The following EPHA7 variants were observed in gnomAD, a reference collection of about 807,000 sequenced individuals.
EPHA7 encodes the protein EPH receptor A7.
EPHA7 carries 25 observed loss-of-function variants against 112.6 expected under a neutral mutation model. The observed-to-expected ratio is 0.22, with a 90% confidence interval of 0.16 to 0.31. The LOEUF is 0.31. Ranked by LOEUF, EPHA7 falls within the 10% of genes least tolerant of loss-of-function variation. The pLI is 1.00. For synonymous variants in EPHA7, 437 were observed against 406.5 expected, an observed-to-expected ratio of 1.07 and a Z score of -0.90; for missense variants, 962 against 1,212.6, an observed-to-expected ratio of 0.79 and a Z score of 3.07.
chr6:93,404,042 G>T (rs1778565590), intron 3 of EPHA7, among the ~76,000 whole-genome samples: 1 of 151,964 alleles, frequency 6.6e-6, no homozygotes, highest in Non-Finnish European at 1.5e-5. Flanking sequence ...AGGGAGCAGG[G>T]GCTTCAACTG....
At chr6:93,367,970 T>C (rs990421078) in intron 3 of EPHA7, among the ~76,000 whole-genome samples, 2 of 152,114 alleles carry the variant, frequency 1.3e-5, no homozygotes, top group Non-Finnish European at 2.9e-5. Context: ...ACAAATTAGT[T>C]ATTAACCAAA....
At chr6:93,304,736 G>A (rs548653488) in intron 5 of EPHA7, among the ~76,000 whole-genome samples, 1 of 152,156 alleles carries the variant, frequency 6.6e-6, no homozygotes, top group South Asian at 2.1e-4. Context: ...CCCAACTCCT[G>A]AGAGTATTTA....
At chr6:93,335,093 A>G (rs1774797134) in intron 5 of EPHA7, among the ~76,000 whole-genome samples, 1 of 152,118 alleles carries the variant, frequency 6.6e-6, no homozygotes, top group South Asian at 2.1e-4. Flanking sequence ...AACTTCTCTC[A>G]GCATTTGGAG....
At chr6:93,268,802 T>C (rs1306495143) in intron 7 of EPHA7, among the ~76,000 whole-genome samples, 2 of 151,744 alleles carry the variant, frequency 1.3e-5, no homozygotes, top group Non-Finnish European at 2.9e-5. Context: ...TTGTAAAACA[T>C]AAAATGATAA....
intron 5 of EPHA7, among the ~76,000 whole-genome samples, chr6:93,275,068 C>A (rs1771406316): frequency 6.6e-6 from 1 of 151,746 alleles, no homozygotes; most frequent in South Asian, 2.1e-4. Flanking sequence ...CCAAAATATT[C>A]AATTAACTAC....
chr6:93,331,783 C>A (rs1392295687), intron 5 of EPHA7, among the ~76,000 whole-genome samples: 1 of 151,486 alleles, frequency 6.6e-6, no homozygotes, highest in Non-Finnish European at 1.5e-5. Context: ...TTAATTATTT[C>A]TTCAAAGATA....
chr6:93,276,433 G>C (rs2127889265), intron 5 of EPHA7, among the ~76,000 whole-genome samples: 2 of 152,186 alleles, frequency 1.3e-5, no homozygotes, highest in South Asian at 4.1e-4. Flanking sequence ...ACAGGAATGA[G>C]CTTGGAAGTG....
chr6:93,256,724 C>CT (rs1482124750), intron 12 of EPHA7, among the ~76,000 whole-genome samples: 9 of 152,012 alleles, frequency 5.9e-5, no homozygotes, highest in African/African-American at 1.7e-4. Context: ...GTATGCTAGT[C>CT]TGAGTTGATT....
At chr6:93,344,894 T>C (rs540746362) in intron 5 of EPHA7, among the ~76,000 whole-genome samples, 1 of 151,716 alleles carries the variant, frequency 6.6e-6, no homozygotes, top group East Asian at 1.9e-4. Flanking sequence ...TTTGTCACAC[T>C]TTTAAATTAT....
chr6:93,289,286 A>G (rs1045946520), intron 5 of EPHA7, among the ~76,000 whole-genome samples: 1 of 152,218 alleles, frequency 6.6e-6, no homozygotes, highest in African/African-American at 2.4e-5. Context: ...GATACCATGT[A>G]TAGTTAGAAT....
At chr6:93,271,317 T>C (rs1229606581) in intron 6 of EPHA7, among the ~76,000 whole-genome samples, 1 of 151,934 alleles carries the variant, frequency 6.6e-6, no homozygotes, top group Non-Finnish European at 1.5e-5. Context: ...CAATGTACTA[T>C]ATACATTTCA....
At chr6:93,349,056 C>T (rs552022285) in intron 5 of EPHA7, among the ~76,000 whole-genome samples, 2 of 151,706 alleles carry the variant, frequency 1.3e-5, no homozygotes, top group East Asian at 3.9e-4. Context: ...AACATATGGG[C>T]CTTTACGTGT....
chr6:93,356,362 C>T (rs1775946785), intron 5 of EPHA7, among the ~76,000 whole-genome samples: 1 of 152,066 alleles, frequency 6.6e-6, no homozygotes, highest in South Asian at 2.1e-4. Flanking sequence ...TGTGCACCAC[C>T]ATGCCCGGCT....
rs530248376 is a variant in EPHA7, at chr6:93,417,789, G to T, written c.97+1456C>A. On this transcript the variant is annotated intron_variant, in intron 1 of 16. Coordinates refer to ENST00000369303, the MANE Select transcript of EPHA7 (RefSeq NM_004440.4). ...AGCAGATGTCCGTCCTTCTGCAAACGCGTAACCGCCAGCTTGGAGGCACGG... is the reference window on the plus strand; with the variant it reads ...AGCAGATGTCCGTCCTTCTGCAAACTCGTAACCGCCAGCTTGGAGGCACGG... Among the ~76,000 whole-genome samples the T allele has an allele frequency of 3.3e-5, 5 of 152,108 alleles. No homozygotes were observed. In the East Asian group the frequency reaches 7.8e-4, roughly 24 times the overall value.
intron 3 of EPHA7, among the ~76,000 whole-genome samples, chr6:93,406,528 T>C (rs1413623116): frequency 1.3e-5 from 2 of 151,862 alleles, no homozygotes; most frequent in Non-Finnish European, 2.9e-5. Flanking sequence ...AAGACTTGAA[T>C]TGGTAAACAG....
intron 5 of EPHA7, among the ~76,000 whole-genome samples, chr6:93,347,299 T>A (rs978854539): frequency 2.6e-5 from 4 of 151,850 alleles, no homozygotes; most frequent in Admixed American, 1.3e-4. Context: ...TGTATCACCT[T>A]CTAAAATTTA....
At chr6:93,250,152 A>G (rs1232705413) in intron 14 of EPHA7, among the ~76,000 whole-genome samples, 1 of 152,136 alleles carries the variant, frequency 6.6e-6, no homozygotes, top group African/African-American at 2.4e-5. Context: ...TCACATCCCT[A>G]TGGACATGAA....
chr6:93,267,285 G>T (rs1378879094), intron 7 of EPHA7, among the ~76,000 whole-genome samples: 3 of 151,644 alleles, frequency 2.0e-5, no homozygotes, highest in Non-Finnish European at 2.9e-5. Flanking sequence ...CATGATAGGG[G>T]CTCTCCTTGA....
chr6:93,288,655 T>G (rs962675678), intron 5 of EPHA7, among the ~76,000 whole-genome samples: 2 of 152,206 alleles, frequency 1.3e-5, no homozygotes, highest in African/African-American at 2.4e-5. Flanking sequence ...CCCCATGTAT[T>G]TTTCCAGCCT....
Sources: allele counts gnomAD v4.1 joint callset (sites outside exome capture counted in the v4.1 genomes callset), GRCh38; gene constraint gnomAD v4.1.1; transcripts MANE v1.5; gene names NCBI Gene and HGNC (gene_info 2026-07-23, HGNC 2026-07-21).